The following HDAC4 variants were observed in gnomAD, a reference collection of about 807,000 sequenced individuals.
The protein encoded by HDAC4 is histone deacetylase 4.
Under a neutral mutation model 135.1 loss-of-function variants are expected in HDAC4, and 16 were observed. The observed-to-expected ratio is 0.12, with a 90% CI of 0.08 to 0.18. The LOEUF is 0.18. HDAC4 is among the 10% of genes least tolerant of loss of function. The pLI is 1.00. For synonymous variants in HDAC4, 685 were observed against 653.4 expected, an observed-to-expected ratio of 1.05 and a Z score of -0.74; for missense variants, 1,143 against 1,511.8, an observed-to-expected ratio of 0.76 and a Z score of 4.05.
intron 3 of HDAC4, among the ~76,000 whole-genome samples, chr2:239,218,434 G>A (rs894125355): frequency 6.6e-6 from 1 of 150,804 alleles, no homozygotes; most frequent in African/African-American, 2.4e-5. Flanking sequence ...GCTGAAACTG[G>A]ATCCCTTCCT....
At chr2:239,263,280 G>GGA (rs2049493046) in intron 2 of HDAC4, among the ~76,000 whole-genome samples, 1 of 72,868 alleles carries the variant, frequency 1.4e-5, no homozygotes, top group South Asian at 3.8e-4. Context: ...GCCCAGCCCA[G>GGA]CCCCCTACAC....
chr2:239,207,021 G>T (rs895460368), intron 3 of HDAC4, among the ~76,000 whole-genome samples: 6 of 152,132 alleles, frequency 3.9e-5, no homozygotes, highest in Non-Finnish European at 7.3e-5. Flanking sequence ...CTAAACGCAA[G>T]TACTGGAGGG....
Position 239,102,846 on chromosome 2 carries a change from C to T in HDAC4, c.2163G>A (p.Ser721=), listed in dbSNP as rs61735030. The T allele has an allele frequency of 3.3e-4, 536 of 1,613,920 alleles. 3 individuals carry two copies. In the African/African-American group the frequency reaches 5.3e-3, roughly 16 times the overall value. Residue 721 remains serine (S), a synonymous_variant, in exon 16 of 27, where the codon TCG becomes TCA. Transcript: ENST00000543185. ...TGCCATACAGGAGGGTGTGGGCTTC[C>T]GAGTGCACCGTCTGTAGCTCCTCCA... ...ATLEELQTVH[S]EAHTLLYGTN...
chr2:239,115,305 G>T lies in HDAC4; in HGVS notation c.1539C>A (p.Ile513=). The change falls in exon 13 of 27, where the codon ATC becomes ATA. Residue 513 remains isoleucine, a synonymous_variant. Coordinates refer to ENST00000543185, the MANE Select transcript of HDAC4 (RefSeq NM_001378414.1). This position sits in a 1 kb window ranked among gnomAD's most constrained non-coding sequence, Gnocchi z 6.3. ...QQQQLQMNKI[I]PKPSEPARQP... The stretch of plus-strand genomic sequence containing the variant: ...GCCGGGCTGGCTCGCTTGGCTTGGG[G>T]ATGATCTGCAAGGCGGAGGTAACAC... 6.2e-7 allele frequency: 1 copy of T among 1,613,224 alleles called. No homozygotes were observed. Among genetic ancestry groups the T allele is most frequent in the Non-Finnish European group, 8.5e-7 (1 of 1,180,008 alleles).
chr2:239,156,062 T>A (rs1409236272), intron 7 of HDAC4, among the ~76,000 whole-genome samples: 4 of 152,194 alleles, frequency 2.6e-5, no homozygotes, highest in Non-Finnish European at 5.9e-5. Flanking sequence ...TGCAGCCGCC[T>A]CTCCCTGCTT....
intron 12 of HDAC4, among the ~76,000 whole-genome samples, chr2:239,121,404 C>T (rs971342560): frequency 6.6e-6 from 1 of 152,202 alleles, no homozygotes; most frequent in Non-Finnish European, 1.5e-5. Flanking sequence ...TCAGGGGCCC[C>T]AAGGCCACTG....
intron 7 of HDAC4, among the ~76,000 whole-genome samples, chr2:239,145,450 G>A (rs1196657958): frequency 2.6e-5 from 4 of 152,238 alleles, no homozygotes; most frequent in Non-Finnish European, 5.9e-5. Context: ...TCAGCCCACC[G>A]TGGTCCCCAA....
At chr2:239,150,344 T>TACACAGAAACAGAC (rs1259910712) in intron 7 of HDAC4, among the ~76,000 whole-genome samples, 1 of 147,856 alleles carries the variant, frequency 6.8e-6, no homozygotes, top group South Asian at 2.1e-4. Context: ...CAGAAACAGA[T>TACACAGAAACAGAC]ACACAGAAAC....
chr2:239,359,762 G>A lies in HDAC4; in HGVS notation c.-219-6844C>T, dbSNP rs541353734. Reference sequence around the variant, plus strand: ...GCCTCCTGGGAGGAAGCCAGTGGGAGCTGCGATTTAGAGAGGAAGCAGAAG... The same window carrying A: ...GCCTCCTGGGAGGAAGCCAGTGGGAACTGCGATTTAGAGAGGAAGCAGAAG... On this transcript the variant is annotated intron_variant, in intron 1 of 26. Coordinates refer to ENST00000543185, the MANE Select transcript of HDAC4 (RefSeq NM_001378414.1). Among the ~76,000 whole-genome samples the A allele has an allele frequency of 3.3e-5, 5 of 152,340 alleles. No individual in the cohort carries two copies. The South Asian group carries it at 1.0e-3, about 32-fold the overall frequency.
intron 2 of HDAC4, among the ~76,000 whole-genome samples, chr2:239,323,189 C>T (rs775308292): frequency 4.6e-5 from 7 of 152,036 alleles, no homozygotes; most frequent in African/African-American, 9.7e-5. Flanking sequence ...TGAAATATTA[C>T]GGAGCTACAA....
At chr2:239,270,857 T>C (rs916019202) in intron 2 of HDAC4, among the ~76,000 whole-genome samples, 1 of 152,148 alleles carries the variant, frequency 6.6e-6, no homozygotes, top group Non-Finnish European at 1.5e-5. Flanking sequence ...AAACCCCAGA[T>C]ACAGAGTAAA....
chr2:239,170,345 T>G (rs563599194), intron 5 of HDAC4, among the ~76,000 whole-genome samples: 20 of 152,238 alleles, frequency 1.3e-4, no homozygotes, highest in Non-Finnish European at 2.6e-4. Context: ...AAACTGAATT[T>G]ACTTAATAGT....
intron 22 of HDAC4, among the ~76,000 whole-genome samples, chr2:239,073,394 G>C (rs2034399433): frequency 6.6e-6 from 1 of 152,234 alleles, no homozygotes; most frequent in African/African-American, 2.4e-5. Context: ...GGGTCAGATA[G>C]GAGGCACCTG....
rs79280467 is a variant in HDAC4, at chr2:239,158,318, T to C, written c.612-1545A>G. 6.8e-3 allele frequency among the ~76,000 whole-genome samples: 1,031 copies of C among 152,284 alleles called. 7 individuals are homozygous for C. Among genetic ancestry groups the C allele is most frequent in the Non-Finnish European group, 0.012 (818 of 68,010 alleles). Reference sequence around the variant, plus strand: ...ATTTCCGCGTTCACTTTTTCCTTCATGGGAAACACGGAGTGACTTGTACAT... The same window carrying C: ...ATTTCCGCGTTCACTTTTTCCTTCACGGGAAACACGGAGTGACTTGTACAT... On this transcript the variant is annotated intron_variant, in intron 6 of 26. Coordinates refer to ENST00000543185, the MANE Select transcript of HDAC4 (RefSeq NM_001378414.1).
At chr2:239,093,476 C>A (rs1354610973) in intron 17 of HDAC4, among the ~76,000 whole-genome samples, 3 of 152,194 alleles carry the variant, frequency 2.0e-5, no homozygotes, top group African/African-American at 4.8e-5. Context: ...GCAGGTGCAT[C>A]CCACACCAGG....
chr2:239,226,340 C>G (rs1029199907), intron 3 of HDAC4, among the ~76,000 whole-genome samples: 5 of 152,152 alleles, frequency 3.3e-5, no homozygotes, highest in African/African-American at 4.8e-5. Context: ...GTGGAATCCT[C>G]CCTGAGAGAT....
intron 2 of HDAC4, among the ~76,000 whole-genome samples, chr2:239,282,407 CTA>C: frequency 7.2e-6 from 1 of 139,802 alleles, no homozygotes; most frequent in Admixed American, 7.5e-5. Flanking sequence ...ACACACCACT[CTA>C]CAATGTACAC....
chr2:239,272,199 A>C (rs2050096536), intron 2 of HDAC4, among the ~76,000 whole-genome samples: 1 of 152,210 alleles, frequency 6.6e-6, no homozygotes, highest in African/African-American at 2.4e-5. Context: ...ATTCAACAGA[A>C]GCCAAAAGCC....
intron 2 of HDAC4, among the ~76,000 whole-genome samples, chr2:239,281,670 CACTCTGCAATGTACACACT>C (rs2050763110): frequency 6.6e-6 from 1 of 150,710 alleles, no homozygotes; most frequent in Non-Finnish European, 1.5e-5. Flanking sequence ...ATGTACACAC[CACTCTGCAATGTACACACT>C]ACTCTACACG....
Sources: allele counts gnomAD v4.1 joint callset (sites outside exome capture counted in the v4.1 genomes callset), GRCh38; gene constraint gnomAD v4.1.1; non-coding constraint Gnocchi (gnomAD v3.1); transcripts MANE v1.5; gene names NCBI Gene and HGNC (gene_info 2026-07-23, HGNC 2026-07-21).